APBB1IP: variants seen among roughly 807,000 people sequenced by gnomAD.
The protein encoded by APBB1IP is amyloid beta A4 precursor protein-binding family B member 1-interacting protein.
Under a neutral mutation model 64.9 loss-of-function variants are expected in APBB1IP, and 27 were observed. The ratio of observed to expected loss-of-function variants is 0.42; its 90% CI spans 0.31 to 0.57. APBB1IP has a LOEUF of 0.57. Among genes scored for constraint, APBB1IP ranks in the 20% least tolerant of loss-of-function variants. The probability of loss-of-function intolerance (pLI) is 0.20; values close to 1 mark genes in which losing one functional copy is unlikely to be tolerated. For missense variants in APBB1IP, 812 were observed against 845.5 expected (o/e 0.96, Z 0.49); for synonymous variants, 392 against 331.0 (o/e 1.18, Z -2.00).
chr10:26,486,352 C>CA (rs1417165721), intron 2 of APBB1IP, among the ~76,000 whole-genome samples: 1 of 151,986 alleles, frequency 6.6e-6, no homozygotes, highest in East Asian at 1.9e-4. Context: ...AGAATGAAGG[C>CA]AAGGAGAAGC....
chr10:26,471,035 C>T (rs1351730623), intron 2 of APBB1IP, among the ~76,000 whole-genome samples: 2 of 152,144 alleles, frequency 1.3e-5, no homozygotes, highest in East Asian at 1.9e-4. Context: ...ATTAACTTAT[C>T]GAATTCTCAC....
chr10:26,477,543 TG>T (rs1322918723), intron 2 of APBB1IP, among the ~76,000 whole-genome samples: 1 of 152,216 alleles, frequency 6.6e-6, no homozygotes, highest in African/African-American at 2.4e-5. Flanking sequence ...CCATGGTGGT[TG>T]TAGAATTATG....
At chr10:26,523,246 C>A (rs11015149) in intron 8 of APBB1IP, among the ~76,000 whole-genome samples, 12,791 of 152,230 alleles carry the variant, frequency 0.084, 640 homozygotes, top group Middle Eastern at 0.13. Flanking sequence ...CCATTCAATT[C>A]TTTGAACTCC....
intron 2 of APBB1IP, among the ~76,000 whole-genome samples, chr10:26,491,564 G>A (rs542176551): frequency 6.6e-6 from 1 of 152,314 alleles, no homozygotes; most frequent in South Asian, 2.1e-4. Flanking sequence ...TTTAGGCAAA[G>A]AAAGGTTAAA....
chr10:26,559,553 A>C (rs1382394752), intron 11 of APBB1IP, among the ~76,000 whole-genome samples: 1 of 151,890 alleles, frequency 6.6e-6, no homozygotes, highest in Non-Finnish European at 1.5e-5. Context: ...AGCCAGGACA[A>C]CTCTGCCTCT....
At chr10:26,482,470 T>G (rs1185019219) in intron 2 of APBB1IP, among the ~76,000 whole-genome samples, 1 of 152,180 alleles carries the variant, frequency 6.6e-6, no homozygotes, top group African/African-American at 2.4e-5. Context: ...AATTCAATAT[T>G]CTAAGTTATT....
rs796630756 is a variant in APBB1IP, at chr10:26,506,248, TG to T, written c.531+2975del. 7.1e-4 allele frequency among the ~76,000 whole-genome samples: 22 copies of T among 30,884 alleles called. No homozygotes were observed. The East Asian group carries it at 0.016, about 23-fold the overall frequency. 20.3% of individuals were successfully genotyped at this position (30,884 alleles called of 152,430 possible). ...TCAGTGCTTAACACTACCGTGTGTG[TG>T]TGGGGGGGGGGGGTGGGGGGCAAGG... On this transcript the variant is annotated intron_variant, in intron 6 of 14. Transcript: ENST00000376236.
At chr10:26,440,094 G>A (rs1468974137) in intron 2 of APBB1IP, among the ~76,000 whole-genome samples, 3 of 152,152 alleles carry the variant, frequency 2.0e-5, no homozygotes, top group African/African-American at 7.2e-5. Context: ...AATAATGTGT[G>A]TCCTTAAACT....
intron 8 of APBB1IP, among the ~76,000 whole-genome samples, chr10:26,517,644 A>G (rs1197455212): frequency 3.9e-5 from 6 of 152,064 alleles, no homozygotes; most frequent in Non-Finnish European, 7.4e-5. Flanking sequence ...GGCTCTCACC[A>G]TGTTGCCCGG....
chr10:26,540,108 C>T (rs1417556881), intron 10 of APBB1IP, among the ~76,000 whole-genome samples: 1 of 152,192 alleles, frequency 6.6e-6, no homozygotes, highest in Non-Finnish European at 1.5e-5. Flanking sequence ...AAAATATAAG[C>T]TCACATGCAC....
intron 6 of APBB1IP, among the ~76,000 whole-genome samples, chr10:26,510,879 T>TATC (rs1366278522): frequency 6.6e-6 from 1 of 152,150 alleles, no homozygotes; most frequent in African/African-American, 2.4e-5. Flanking sequence ...CTGCTCTAAC[T>TATC]ATCTGTCTCT....
intron 8 of APBB1IP, among the ~76,000 whole-genome samples, chr10:26,521,843 C>T (rs1316907701): frequency 6.6e-6 from 1 of 152,126 alleles, no homozygotes; most frequent in East Asian, 1.9e-4. Context: ...CTCTGCCTCC[C>T]AGGTTCAAGC....
intron 11 of APBB1IP, among the ~76,000 whole-genome samples, chr10:26,558,615 T>TAAA (rs535098612): frequency 0.025 from 3,216 of 131,210 alleles, 58 homozygotes; most frequent in Non-Finnish European, 0.036. Context: ...AGTGTTTCTT[T>TAAA]AAAAAAAAAA....
At chr10:26,500,355 T>A (rs901030716) in intron 4 of APBB1IP, among the ~76,000 whole-genome samples, 4 of 152,208 alleles carry the variant, frequency 2.6e-5, no homozygotes, top group Non-Finnish European at 1.5e-5. Flanking sequence ...CCCCATTGGT[T>A]GAAATCCAAT....
At chr10:26,552,463 G>A (rs747126189) in intron 11 of APBB1IP, among the ~76,000 whole-genome samples, 3 of 152,054 alleles carry the variant, frequency 2.0e-5, no homozygotes, top group Non-Finnish European at 4.4e-5. Context: ...GCCTGGTGTG[G>A]TGGTGCACAC....
chr10:26,487,678 G>A (rs1000396516), intron 2 of APBB1IP, among the ~76,000 whole-genome samples: 14 of 152,118 alleles, frequency 9.2e-5, no homozygotes, highest in Admixed American at 9.2e-4. Flanking sequence ...CATCTTAGGT[G>A]GATGATTCAC....
chr10:26,456,582 C>A (rs1835527800), intron 2 of APBB1IP, among the ~76,000 whole-genome samples: 1 of 151,468 alleles, frequency 6.6e-6, no homozygotes, highest in Non-Finnish European at 1.5e-5. Context: ...ATTATAGAAG[C>A]TGATTTAAGA....
intron 4 of APBB1IP, among the ~76,000 whole-genome samples, chr10:26,498,698 T>G (rs1836059074): frequency 1.3e-5 from 2 of 152,206 alleles, no homozygotes; most frequent in Non-Finnish European, 2.9e-5. Context: ...TAACGCTTTC[T>G]AAGCACTAAC....
At chr10:26,487,761 G>A (rs1010269909) in intron 2 of APBB1IP, among the ~76,000 whole-genome samples, 8 of 152,098 alleles carry the variant, frequency 5.3e-5, no homozygotes, top group African/African-American at 1.7e-4. Context: ...TGGGTTCAGT[G>A]GGTTTTTCTG....
Sources: gnomAD v4.1 joint callset for allele counts (sites outside exome capture counted in the v4.1 genomes callset) on GRCh38, gnomAD v4.1.1 for gene constraint, MANE v1.5 for transcripts, NCBI Gene and HGNC (gene_info 2026-07-23, HGNC 2026-07-21) for gene names.